The following ZNF804B variants were observed in gnomAD, a reference collection of about 807,000 sequenced individuals.
ZNF804B encodes zinc finger 804B.
Under a neutral mutation model 101.4 loss-of-function variants are expected in ZNF804B, and 80 were observed. The ratio of observed to expected loss-of-function variants is 0.79; its 90% CI spans 0.66 to 0.95. The LOEUF (loss-of-function observed/expected upper bound fraction) is 0.95. ZNF804B is among the 40% of genes least tolerant of loss of function. The pLI, the probability that ZNF804B is intolerant of heterozygous loss-of-function variation, is 0.00. For synonymous variants in ZNF804B, 622 were observed against 558.8 expected (o/e 1.11, Z -1.59); for missense variants, 1,673 against 1,561.9 (o/e 1.07, Z -1.20).
chr7:88,974,924 A>C, intron 1 of ZNF804B, among the ~76,000 whole-genome samples: 1 of 150,546 alleles, frequency 6.6e-6, no homozygotes, highest in African/African-American at 2.4e-5. Context: ...AACCATTTCC[A>C]CCCCCTGACT....
At chr7:89,310,293 A>G (rs1444404990) in intron 2 of ZNF804B, among the ~76,000 whole-genome samples, 4 of 152,116 alleles carry the variant, frequency 2.6e-5, no homozygotes, top group Non-Finnish European at 5.9e-5. Flanking sequence ...TTGAATATAG[A>G]TTCTTGGTTA....
intron 1 of ZNF804B, among the ~76,000 whole-genome samples, chr7:88,870,682 G>A (rs1453975343): frequency 1.3e-5 from 2 of 152,092 alleles, no homozygotes; most frequent in East Asian, 3.9e-4. Context: ...AGAAAAAGGT[G>A]AGAAAAGATG....
intron 1 of ZNF804B, among the ~76,000 whole-genome samples, chr7:89,184,086 G>T (rs1477659203): frequency 1.3e-5 from 2 of 152,120 alleles, no homozygotes; most frequent in Non-Finnish European, 2.9e-5. Flanking sequence ...AGAATAGAAT[G>T]ATGGAATCAT....
chr7:89,279,377 T>G (rs1228031348), intron 2 of ZNF804B, among the ~76,000 whole-genome samples: 2 of 150,722 alleles, frequency 1.3e-5, no homozygotes, highest in African/African-American at 4.9e-5. Flanking sequence ...GGCCAGAATT[T>G]CCAACACTAT....
chr7:89,040,147 C>G (rs2888672), intron 1 of ZNF804B, among the ~76,000 whole-genome samples: 1 of 151,640 alleles, frequency 6.6e-6, no homozygotes, highest in Admixed American at 6.6e-5. Context: ...TCTCATAAAT[C>G]CCATAGGCTT....
intron 2 of ZNF804B, among the ~76,000 whole-genome samples, chr7:89,324,092 G>A (rs1302267899): frequency 6.6e-6 from 1 of 151,056 alleles, no homozygotes; most frequent in Non-Finnish European, 1.5e-5. Flanking sequence ...TTTTGGAAGG[G>A]TCTTTTATAA....
rs191326230 is a variant in ZNF804B, at chr7:89,229,146, G to A, written c.249+10851G>A. 7.3e-3 allele frequency among the ~76,000 whole-genome samples: 1,110 copies of A among 152,296 alleles called. 12 individuals carry two copies. Among genetic ancestry groups the A allele is most frequent in the Admixed American group, 0.011 (170 of 15,302 alleles). ...CCCGCAAGCTGAGGGACCCAGCTCC[G>A]GCCTTGGCCAGCCCAGGAAGGGGCT... On this transcript the variant is annotated intron_variant, in intron 2 of 3. Coordinates refer to ENST00000333190, the MANE Select transcript of ZNF804B (RefSeq NM_181646.5).
rs141843515 is a variant in ZNF804B at position 89,255,265 on chromosome 7, A to G, written c.249+36970A>G. Among the ~76,000 whole-genome samples, 571 of 152,278 alleles carry G rather than the reference A, an allele frequency of 3.7e-3. 3 individuals carry two copies. Among genetic ancestry groups the G allele is most frequent in the African/African-American group, 0.013 (548 of 41,552 alleles). On this transcript the variant is annotated intron_variant, in intron 2 of 3. Transcript: ENST00000333190. ...CTATTATGAGAACAGCACGGGAGAA[A>G]CTGCCCCCGTGATCCAGTCACCTCC...
At chr7:88,764,641 C>T (rs780188865) in intron 1 of ZNF804B, among the ~76,000 whole-genome samples, 3 of 152,146 alleles carry the variant, frequency 2.0e-5, no homozygotes, top group Non-Finnish European at 4.4e-5. Flanking sequence ...ATCCAGAGAA[C>T]TTCTTAAATG....
At chr7:88,940,349 A>T (rs1471352511) in intron 1 of ZNF804B, among the ~76,000 whole-genome samples, 1 of 152,072 alleles carries the variant, frequency 6.6e-6, no homozygotes, top group Non-Finnish European at 1.5e-5. Flanking sequence ...GTCTTAAATG[A>T]GATTTTTATA....
chr7:89,102,615 T>C (rs557193659), intron 1 of ZNF804B, among the ~76,000 whole-genome samples: 21 of 152,192 alleles, frequency 1.4e-4, no homozygotes, highest in Non-Finnish European at 2.2e-4. Context: ...TGTAAACAGG[T>C]TCTCCCATTC....
chr7:89,337,038 G>A lies in ZNF804B; in HGVS notation c.*6G>A. 1.2e-6 allele frequency: 2 copies of A among 1,604,684 alleles called. No homozygotes were observed. Among genetic ancestry groups the A allele is most frequent in the South Asian group, 1.1e-5 (1 of 90,606 alleles). ...TGTCCACACACTTGAACTAATAAGT[G>A]TTAAAGCCCCTCCTGTGGATAATTT... On this transcript the variant is annotated 3_prime_UTR_variant, in exon 4 of 4. Coordinates refer to ENST00000333190, the MANE Select transcript of ZNF804B (RefSeq NM_181646.5).
intron 1 of ZNF804B, among the ~76,000 whole-genome samples, chr7:88,902,889 T>C (rs1191220647): frequency 6.6e-6 from 1 of 152,058 alleles, no homozygotes; most frequent in Non-Finnish European, 1.5e-5. Flanking sequence ...ACTATGCAAA[T>C]TTTCTGTTTC....
chr7:89,332,206 G>T (rs896280924), intron 3 of ZNF804B, among the ~76,000 whole-genome samples: 7 of 151,620 alleles, frequency 4.6e-5, no homozygotes, highest in Admixed American at 2.6e-4. Flanking sequence ...ATGAAATTTG[G>T]TGGACAAAAG....
intron 1 of ZNF804B, among the ~76,000 whole-genome samples, chr7:88,999,546 C>T (rs375955123): frequency 1.3e-5 from 2 of 151,884 alleles, no homozygotes; most frequent in South Asian, 2.1e-4. Context: ...TTCTATCTTT[C>T]GTTCAGTGCA....
chr7:89,240,732 T>C (rs772963277), intron 2 of ZNF804B, among the ~76,000 whole-genome samples: 2 of 152,064 alleles, frequency 1.3e-5, no homozygotes, highest in Non-Finnish European at 2.9e-5. Context: ...GTATAAATAC[T>C]AGACCATAGT....
intron 1 of ZNF804B, among the ~76,000 whole-genome samples, chr7:89,000,616 C>A (rs923101670): frequency 3.3e-5 from 5 of 151,778 alleles, no homozygotes; most frequent in Admixed American, 2.0e-4. Context: ...AAAGTTTGTA[C>A]TCTTTGACCA....
chr7:88,891,363 T>C (rs1455818593), intron 1 of ZNF804B, among the ~76,000 whole-genome samples: 1 of 152,080 alleles, frequency 6.6e-6, no homozygotes, highest in Non-Finnish European at 1.5e-5. Flanking sequence ...TTAATTAAAG[T>C]CTATTTTGTC....
intron 2 of ZNF804B, among the ~76,000 whole-genome samples, chr7:89,263,147 G>A (rs773822754): frequency 2.0e-5 from 3 of 152,120 alleles, no homozygotes; most frequent in Non-Finnish European, 2.9e-5. Context: ...GACACATTAT[G>A]CCTCCGTCTT....
Sources: gnomAD v4.1 joint callset for allele counts (sites outside exome capture counted in the v4.1 genomes callset) on GRCh38, gnomAD v4.1.1 for gene constraint, MANE v1.5 for transcripts, NCBI Gene and HGNC (gene_info 2026-07-23, HGNC 2026-07-21) for gene names.